The following TDRD3 variants were observed in gnomAD, a reference collection of about 807,000 sequenced individuals.
TDRD3 encodes the protein tudor domain containing 3, also known as tudor domain-containing protein 3.
TDRD3 carries 45 observed loss-of-function variants against 86.7 expected under a neutral mutation model. That is an observed-to-expected ratio of 0.52 (90% CI 0.41 to 0.67). The LOEUF (loss-of-function observed/expected upper bound fraction) is 0.67. Ranked by LOEUF, TDRD3 falls within the 30% of genes least tolerant of loss-of-function variation. The probability of loss-of-function intolerance (pLI) is 0.00; values close to 1 mark genes in which losing one functional copy is unlikely to be tolerated. For missense variants in TDRD3, 814 were observed against 889.0 expected (o/e 0.92, Z 1.07); for synonymous variants, 298 against 301.7 (o/e 0.99, Z 0.13).
chr13:60,482,944 G>T (rs931013456), intron 5 of TDRD3, among the ~76,000 whole-genome samples: 1 of 151,590 alleles, frequency 6.6e-6, no homozygotes, highest in African/African-American at 2.4e-5. Flanking sequence ...GATGTATTAA[G>T]TAACAACTAG....
chr13:60,461,840 A>C (rs191162934), intron 4 of TDRD3, among the ~76,000 whole-genome samples: 1 of 152,310 alleles, frequency 6.6e-6, no homozygotes. Context: ...TAGGTATTTT[A>C]AGGTGCAGGG....
Position 60,397,317 on chromosome 13 carries a change from C to CCAA in TDRD3, c.-48_-47insCAA. 1 of 1,132,990 alleles carries CCAA rather than the reference C, an allele frequency of 8.8e-7. No homozygotes were observed. The allele number at this position is 1,132,990 out of a possible 1,614,324, so 70.2% of individuals were successfully genotyped here. Reference sequence around the variant, plus strand: ...GGGGGTCTCAAGTAGGAGGCCTCCCCATCACCCCCACCCCAGCCCCCCACC... The same window carrying CCAA: ...GGGGGTCTCAAGTAGGAGGCCTCCCCCAAATCACCCCCACCCCAGCCCCCCACC... On this transcript the variant is annotated 5_prime_UTR_variant, in exon 1 of 14. Coordinates refer to ENST00000377881, the MANE Select transcript of TDRD3 (RefSeq NM_001146070.2).
At chr13:60,453,419 T>G (rs1955592981) in intron 3 of TDRD3, among the ~76,000 whole-genome samples, 1 of 152,228 alleles carries the variant, frequency 6.6e-6, no homozygotes, top group Admixed American at 6.5e-5. Context: ...AGAGTAATTG[T>G]TTTTCTACTG....
intron 1 of TDRD3, among the ~76,000 whole-genome samples, chr13:60,403,007 G>T (rs951824769): frequency 6.6e-6 from 1 of 152,122 alleles, no homozygotes; most frequent in Non-Finnish European, 1.5e-5. Context: ...AAGCCTTGCC[G>T]ACTTTCTGTC....
chr13:60,496,287 CCATATATA>C (rs1286363527), intron 8 of TDRD3, among the ~76,000 whole-genome samples: 14 of 57,512 alleles, frequency 2.4e-4, no homozygotes, highest in Admixed American at 5.7e-4. Context: ...TAACAAACTC[CCATATATA>C]TATATATATA....
intron 3 of TDRD3, among the ~76,000 whole-genome samples, chr13:60,454,116 T>A (rs1955609695): frequency 6.6e-6 from 1 of 151,466 alleles, no homozygotes; most frequent in South Asian, 2.1e-4. Flanking sequence ...CTTTCCCTAT[T>A]TTGATTACAG....
chr13:60,426,192 T>C (rs1954801632), intron 1 of TDRD3, among the ~76,000 whole-genome samples: 1 of 152,198 alleles, frequency 6.6e-6, no homozygotes, highest in Non-Finnish European at 1.5e-5. Flanking sequence ...AAGTATTATG[T>C]GATCTTACTT....
intron 12 of TDRD3, among the ~76,000 whole-genome samples, chr13:60,557,799 TA>T (rs1490479825): frequency 2.0e-5 from 3 of 150,058 alleles, no homozygotes; most frequent in African/African-American, 4.9e-5. Flanking sequence ...CAATTTGGCA[TA>T]AAGGATTTTT....
intron 3 of TDRD3, among the ~76,000 whole-genome samples, chr13:60,448,798 T>G (rs1439291774): frequency 6.6e-6 from 1 of 152,194 alleles, no homozygotes. Context: ...GTATAACTGT[T>G]TAATATTCTT....
chr13:60,459,443 A>G (rs1361709689), intron 3 of TDRD3, among the ~76,000 whole-genome samples: 3 of 152,214 alleles, frequency 2.0e-5, no homozygotes, highest in Non-Finnish European at 2.9e-5. Context: ...TGGCCAACAC[A>G]TATAATACAG....
chr13:60,573,422 A>G (rs1366894405), intron 13 of TDRD3, among the ~76,000 whole-genome samples, 194 bp from the exon 14 acceptor site: 1 of 152,182 alleles, frequency 6.6e-6, no homozygotes, highest in Non-Finnish European at 1.5e-5. Context: ...TTTTCAAAAA[A>G]ATTTTGCTTT....
rs188595610 is a variant in TDRD3, at chr13:60,408,039, G to A, written c.41+10634G>A. On this transcript the variant is annotated intron_variant, in intron 1 of 13. Transcript: ENST00000377881. ...TTCTCTTGCCGCCGCCATGTAAGAAGTGCCTTTCACGTCCCGCCATGATTC... is the reference window on the plus strand; with the variant it reads ...TTCTCTTGCCGCCGCCATGTAAGAAATGCCTTTCACGTCCCGCCATGATTC... 2.6e-3 allele frequency among the ~76,000 whole-genome samples: 401 copies of A among 152,284 alleles called. 9 individuals carry two copies. Among genetic ancestry groups the A allele is most frequent in the Admixed American group, 0.024 (368 of 15,304 alleles).
chr13:60,564,941 A>G (rs970515762), intron 12 of TDRD3, among the ~76,000 whole-genome samples: 12 of 151,372 alleles, frequency 7.9e-5, no homozygotes, highest in African/African-American at 2.9e-4. Flanking sequence ...ATGGGTAACC[A>G]GATTTGCTCT....
intron 13 of TDRD3, 113 bp downstream of exon 13, chr13:60,567,763 GC>G: frequency 7.2e-7 from 1 of 1,395,382 alleles, no homozygotes; most frequent in Non-Finnish European, 9.7e-7. Flanking sequence ...CACTCTTGTT[GC>G]CCAGGCTGGA....
At chr13:60,572,339 A>C (rs183442968) in intron 13 of TDRD3, among the ~76,000 whole-genome samples, 1 of 152,342 alleles carries the variant, frequency 6.6e-6, no homozygotes, top group Admixed American at 6.5e-5. Flanking sequence ...AAGAGTTTGA[A>C]TTTGTTGTGT....
In TDRD3 at chr13:60,504,635, G is replaced by A. The variant is rs114668487; in HGVS notation, c.859-5128G>A. 9.3e-4 allele frequency among the ~76,000 whole-genome samples: 141 copies of A among 152,214 alleles called. 1 individual carries two copies. The highest frequency in any genetic ancestry group is 2.9e-3 in the African/African-American group (121 of 41,520). On this transcript the variant is annotated intron_variant, in intron 8 of 13. Coordinates refer to ENST00000377881, the MANE Select transcript of TDRD3 (RefSeq NM_001146070.2). Reference sequence around the variant, plus strand: ...CTTTCCTTAAAAAAATATTTGATTCGGTGGTGGCTGGCAAGATGGCTGAAT... The same window carrying A: ...CTTTCCTTAAAAAAATATTTGATTCAGTGGTGGCTGGCAAGATGGCTGAAT...
intron 10 of TDRD3, among the ~76,000 whole-genome samples, chr13:60,515,421 A>G (rs886215701): frequency 6.6e-6 from 1 of 152,184 alleles, no homozygotes; most frequent in Non-Finnish European, 1.5e-5. Flanking sequence ...CTCACACAGA[A>G]GAGATTCATG....
At chr13:60,503,124 C>G (rs1956867872) in intron 8 of TDRD3, among the ~76,000 whole-genome samples, 1 of 152,156 alleles carries the variant, frequency 6.6e-6, no homozygotes, top group African/African-American at 2.4e-5. Context: ...AAAAAAGGTT[C>G]CTTTAGCTTT....
chr13:60,402,691 CTTTTTTTTTTTT>C (rs35984156), intron 1 of TDRD3, among the ~76,000 whole-genome samples: 3 of 73,270 alleles, frequency 4.1e-5, no homozygotes, highest in African/African-American at 1.2e-4. Flanking sequence ...AAACCAATTG[CTTTTTTTTTTTT>C]TTTTTTTTTT....
Sources: allele counts gnomAD v4.1 joint callset (sites outside exome capture counted in the v4.1 genomes callset), GRCh38; gene constraint gnomAD v4.1.1; transcripts MANE v1.5; gene names NCBI Gene and HGNC (gene_info 2026-07-23, HGNC 2026-07-21).